Variants in LRRFIP1 observed in about 807,000 individuals in gnomAD.
LRRFIP1 encodes the protein LRR binding FLII interacting protein 1.
A neutral mutation model predicts 104.4 loss-of-function variants in LRRFIP1; 62 were observed. The ratio of observed to expected loss-of-function variants is 0.59; its 90% confidence interval spans 0.48 to 0.73. The LOEUF is 0.73. Among genes scored for constraint, LRRFIP1 ranks in the 30% least tolerant of loss-of-function variants. LRRFIP1 has a pLI of 0.00. For synonymous variants in LRRFIP1, 300 were observed against 299.0 expected, an observed-to-expected ratio of 1.00 and a Z score of -0.03; for missense variants, 796 against 824.5, an observed-to-expected ratio of 0.97 and a Z score of 0.42.
chr2:237,673,132 C>A (rs1180358854), intron 1 of LRRFIP1, among the ~76,000 whole-genome samples: 1 of 152,200 alleles, frequency 6.6e-6, no homozygotes, highest in Non-Finnish European at 1.5e-5. Flanking sequence ...AAGGGCTGGG[C>A]CTTCTTTTAT....
rs147842797 is a variant in LRRFIP1 at position 237,740,560 on chromosome 2, C to T, written c.633+1251C>T. ...CTAGTAATCAACCAAGAAGTCGCAG[C>T]GCTGAGACCTCCTGCTTGCGTGGAT... On this transcript the variant is annotated intron_variant, in intron 11 of 23. Transcript: ENST00000308482. Among the ~76,000 whole-genome samples, 334 of 152,296 alleles carry T rather than the reference C, an allele frequency of 2.2e-3. 3 individuals are homozygous for T. Among genetic ancestry groups the T allele is most frequent in the Non-Finnish European group, 3.7e-3 (253 of 68,024 alleles).
chr2:237,704,891 C>T (rs1405947701), intron 1 of LRRFIP1, among the ~76,000 whole-genome samples: 2 of 152,160 alleles, frequency 1.3e-5, no homozygotes, highest in Admixed American at 1.3e-4. Flanking sequence ...TCAGCCCAAG[C>T]CCATGTGCCT....
chr2:237,756,069 T>A (rs773019510), intron 15 of LRRFIP1, 26 bp from the exon 16 acceptor site: 2 of 1,538,910 alleles, frequency 1.3e-6, no homozygotes, highest in African/African-American at 2.7e-5. Flanking sequence ...ATTCCACTGC[T>A]TTAGTGCTGT....
chr2:237,638,693 C>G (rs1344472157), intron 1 of LRRFIP1, among the ~76,000 whole-genome samples: 1 of 152,248 alleles, frequency 6.6e-6, no homozygotes, highest in East Asian at 1.9e-4. Context: ...GTCAAATTAA[C>G]TTTACCACAG....
chr2:237,635,749 C>G (rs115663767), intron 1 of LRRFIP1, among the ~76,000 whole-genome samples: 2,522 of 152,058 alleles, frequency 0.017, 66 homozygotes, highest in African/African-American at 0.057. Flanking sequence ...CGCTTAAGCC[C>G]AGGAGTTCAA....
At chr2:237,741,460 C>A (rs1023285458) in intron 11 of LRRFIP1, among the ~76,000 whole-genome samples, 3 of 152,168 alleles carry the variant, frequency 2.0e-5, no homozygotes, top group African/African-American at 7.2e-5. Context: ...TTAAAACTAC[C>A]AGGAAGAAAC....
At chr2:237,679,558 A>G (rs897843091) in intron 1 of LRRFIP1, among the ~76,000 whole-genome samples, 11 of 152,234 alleles carry the variant, frequency 7.2e-5, no homozygotes, top group African/African-American at 1.9e-4. Context: ...GAGTTCAGTA[A>G]GATAGTTTGT....
In LRRFIP1 at chr2:237,775,284, GA is replaced by G. The variant is rs566362498; in HGVS notation, c.1812+825del. Among the ~76,000 whole-genome samples, 670 of 152,376 alleles carry G rather than the reference GA, an allele frequency of 4.4e-3. 1 individual carries two copies. Among genetic ancestry groups the G allele is most frequent in the Non-Finnish European group, 5.7e-3 (389 of 68,044 alleles). On this transcript the variant is annotated intron_variant, in intron 23 of 23. Coordinates refer to ENST00000308482, the MANE Select transcript of LRRFIP1 (RefSeq NM_001137550.2). ...GGGAGTGAGCCAGGCAGAACTGGGA[GA>G]AAGCCTTCCGCGCAAAGGATCAGCA... is the stretch of plus-strand genomic sequence containing the variant.
chr2:237,744,604 CTT>C (rs1409431385), intron 11 of LRRFIP1, among the ~76,000 whole-genome samples: 4 of 152,242 alleles, frequency 2.6e-5, no homozygotes, highest in East Asian at 3.8e-4. Flanking sequence ...TGAAAGGAAA[CTT>C]GACGTAAACT....
At chr2:237,709,919 C>A (rs986556604) in intron 2 of LRRFIP1, among the ~76,000 whole-genome samples, 28 of 151,200 alleles carry the variant, frequency 1.9e-4, no homozygotes, top group African/African-American at 6.1e-4. Context: ...GTGACATGAT[C>A]TCTACTCACT....
At chr2:237,755,515 T>C (rs1332039690) in intron 15 of LRRFIP1, among the ~76,000 whole-genome samples, 3 of 152,246 alleles carry the variant, frequency 2.0e-5, no homozygotes, top group Admixed American at 6.5e-5. Context: ...CTTCGTCGGC[T>C]CTTGCTTCAC....
rs898754106 is a variant in LRRFIP1, at chr2:237,661,607, T to C, written c.96+33867T>C. 2.6e-5 allele frequency among the ~76,000 whole-genome samples: 4 copies of C among 152,212 alleles called. No homozygotes were observed. The highest frequency in any genetic ancestry group is 9.6e-5 in the African/African-American group (4 of 41,468). ...CTCATCCATGAAACCATCCTTGTCC[T>C]CACTGTCGATGGAATTTTTCAGTGA... is the stretch of plus-strand genomic sequence containing the variant. On this transcript the variant is annotated intron_variant, in intron 1 of 23. Transcript: ENST00000308482. This position sits in a 1 kb window ranked among gnomAD's most constrained non-coding sequence, Gnocchi z 4.4.
At chr2:237,666,807 C>CTTTT (rs370453458) in intron 1 of LRRFIP1, among the ~76,000 whole-genome samples, 129,226 of 148,800 alleles carry the variant, frequency 0.87, 56,219 homozygotes, top group Middle Eastern at 0.93. Flanking sequence ...CTCTTTCTTT[C>CTTTT]TCTTTCTTTC....
Position 237,777,983 on chromosome 2 carries a change from G to C in LRRFIP1, c.1813-1439G>C, listed in dbSNP as rs1249554334. ...TCTTCATTGTTGATAGTTTCTTGCT[G>C]CATGTTCATGTATGTCCTCTTTTTA... On this transcript the variant is annotated intron_variant, in intron 23 of 23. Coordinates refer to ENST00000308482, the MANE Select transcript of LRRFIP1 (RefSeq NM_001137550.2). Among the ~76,000 whole-genome samples the C allele has an allele frequency of 2.0e-5, 3 of 152,118 alleles. No individual in the cohort carries two copies. The East Asian group carries it at 5.8e-4, about 29-fold the overall frequency.
At chr2:237,687,997 C>G (rs1485656416) in intron 1 of LRRFIP1, among the ~76,000 whole-genome samples, 2 of 152,220 alleles carry the variant, frequency 1.3e-5, no homozygotes, top group Non-Finnish European at 2.9e-5. Flanking sequence ...TTCTGGTTAG[C>G]TATGATTCTG....
At chr2:237,721,126 T>C (rs1205367908) in intron 6 of LRRFIP1, 1 of 309,786 alleles carries the variant, frequency 3.2e-6, no homozygotes, top group Non-Finnish European at 6.2e-6. Flanking sequence ...CTCAGCACAT[T>C]GGTGTTCCAC....
chr2:237,719,252 T>A (rs1411962814), intron 4 of LRRFIP1, among the ~76,000 whole-genome samples: 1 of 152,138 alleles, frequency 6.6e-6, no homozygotes, highest in Non-Finnish European at 1.5e-5. Context: ...TAGAAAAAAA[T>A]TAAGACCCAG....
intron 1 of LRRFIP1, among the ~76,000 whole-genome samples, chr2:237,679,216 T>C (rs1207466528): frequency 6.6e-6 from 1 of 152,260 alleles, no homozygotes; most frequent in African/African-American, 2.4e-5. Context: ...ATTTGTTTCC[T>C]TTCAGGTGCC....
In LRRFIP1 at chr2:237,739,233, C is replaced by T; in HGVS notation, c.557C>T (p.Pro186Leu). The T allele has an allele frequency of 6.4e-7, 1 of 1,558,322 alleles. No individual in the cohort carries two copies. Among genetic ancestry groups the T allele is most frequent in the Non-Finnish European group, 8.7e-7 (1 of 1,151,278 alleles). Residue 186 changes from proline to leucine, a missense_variant and splice_region_variant, in exon 11 of 24, where the codon CCC becomes CTC. Coordinates refer to ENST00000308482, the MANE Select transcript of LRRFIP1 (RefSeq NM_001137550.2). The stretch of plus-strand genomic sequence containing the variant: ...TCCTGGCGGTGGCTGTGTGGGCAGC[C>T]CTCGGAGTACAGCGGCCACCTCAAC... ...RRGSTSGSRA[P>L]SEYSGHLNSS...
Sources: allele counts gnomAD v4.1 joint callset (sites outside exome capture counted in the v4.1 genomes callset), GRCh38; gene constraint gnomAD v4.1.1; non-coding constraint Gnocchi (gnomAD v3.1); transcripts MANE v1.5; gene names NCBI Gene and HGNC (gene_info 2026-07-23, HGNC 2026-07-21).